MAST4: variants seen among roughly 807,000 people sequenced by gnomAD.
MAST4 encodes the protein microtubule associated serine/threonine kinase family member 4, also known as microtubule-associated serine/threonine-protein kinase 4.
Under a neutral mutation model 162.7 loss-of-function variants are expected in MAST4, and 89 were observed. The observed-to-expected ratio is 0.55, with a 90% confidence interval of 0.46 to 0.65. MAST4 has a LOEUF of 0.65. MAST4 is among the 30% of genes least tolerant of loss of function. The pLI is 0.00. For missense variants in MAST4, 3,153 were observed against 3,374.0 expected, an observed-to-expected ratio of 0.93 and a Z score of 1.62; for synonymous variants, 1,479 against 1,361.1, an observed-to-expected ratio of 1.09 and a Z score of -1.91.
chr5:66,752,818 C>T (rs577112084), intron 1 of MAST4, among the ~76,000 whole-genome samples: 20 of 151,956 alleles, frequency 1.3e-4, no homozygotes, highest in African/African-American at 4.6e-4. Flanking sequence ...ACAGAACTCT[C>T]CACCCCAAAT....
chr5:67,163,655 C>G lies in MAST4; in HGVS notation c.4476C>G (p.Asn1492Lys), dbSNP rs115836461. The change falls in exon 29 of 29, where the codon AAC becomes AAG. Residue 1492 changes from asparagine (N) to lysine (K), a missense_variant. Physicochemically the swap from Asn to Lys is moderately conservative, Grantham distance 94. This residue lies in a region of MAST4 where 1,644 missense variants were observed against 1,495.0 expected (regional missense o/e 1.10). Transcript: ENST00000403625. The surrounding 1 kb of genome is among the most constrained non-coding windows in gnomAD (Gnocchi z 7.0). ...CGCCGCTGCAGAGCCTGGATGAGAA[C>G]GTGTGCGACGTGCCGCCGCTCAGCC... ...REAPLQSLDE[N>K]VCDVPPLSRA... is the part of the protein sequence containing the mutation. 16 of 1,607,788 alleles carry G rather than the reference C, an allele frequency of 1.0e-5. No homozygotes were observed. The South Asian group carries it at 1.6e-4, about 16-fold the overall frequency.
chr5:67,138,789 TGTG>T (rs1444506277), intron 19 of MAST4, among the ~76,000 whole-genome samples: 4 of 152,198 alleles, frequency 2.6e-5, no homozygotes, highest in Non-Finnish European at 5.9e-5. Flanking sequence ...ATTTTCCACT[TGTG>T]GTGTCATATC....
At chr5:66,856,748 A>C (rs1945206443) in intron 3 of MAST4, among the ~76,000 whole-genome samples, 2 of 152,216 alleles carry the variant, frequency 1.3e-5, no homozygotes, top group South Asian at 4.1e-4. Flanking sequence ...TTACTGTAGG[A>C]AGATCTTTGG....
At chr5:66,873,381 A>G (rs1409977192) in intron 3 of MAST4, among the ~76,000 whole-genome samples, 1 of 152,166 alleles carries the variant, frequency 6.6e-6, no homozygotes, top group Non-Finnish European at 1.5e-5. Context: ...ATTCTGCACT[A>G]TGTCATTTTC....
intron 3 of MAST4, among the ~76,000 whole-genome samples, chr5:66,791,506 A>G (rs955838855): frequency 8.5e-5 from 13 of 152,260 alleles, no homozygotes; most frequent in African/African-American, 2.4e-4. Flanking sequence ...TGACATTGTT[A>G]TCAAGGAATC....
At chr5:66,837,770 A>C (rs943407056) in intron 3 of MAST4, among the ~76,000 whole-genome samples, 5 of 149,684 alleles carry the variant, frequency 3.3e-5, no homozygotes, top group African/African-American at 1.2e-4. Flanking sequence ...CAAACCTACA[A>C]CTTCTCAATA....
chr5:67,149,916 T>C (rs908277293), intron 24 of MAST4, among the ~76,000 whole-genome samples: 1 of 152,242 alleles, frequency 6.6e-6, no homozygotes, highest in African/African-American at 2.4e-5. Context: ...TTTTCCTTCC[T>C]TGAATAATTT....
chr5:66,872,387 C>A (rs1761001667), intron 3 of MAST4, among the ~76,000 whole-genome samples: 1 of 152,154 alleles, frequency 6.6e-6, no homozygotes, highest in African/African-American at 2.4e-5. Context: ...CCAGGCTGGT[C>A]TCAAACTCCT....
intron 3 of MAST4, among the ~76,000 whole-genome samples, chr5:66,876,693 T>C (rs968473000): frequency 1.3e-5 from 2 of 152,208 alleles, no homozygotes; most frequent in Non-Finnish European, 2.9e-5. Flanking sequence ...AGACATAGTC[T>C]GCCCTATGAC....
Position 67,167,131 on chromosome 5 carries a change from C to A in MAST4, c.*80C>A. 7.7e-7 allele frequency: 1 copy of A among 1,304,508 alleles called. No individual in the cohort carries two copies. Among genetic ancestry groups the A allele is most frequent in the Non-Finnish European group, 1.0e-6 (1 of 971,406 alleles). 80.8% of individuals were successfully genotyped at this position (1,304,508 alleles called of 1,614,324 possible). On this transcript the variant is annotated 3_prime_UTR_variant, in exon 29 of 29. Coordinates refer to ENST00000403625, the MANE Select transcript of MAST4 (RefSeq NM_001164664.2). ...TCTTGACTACCTTTCAAAACCAGCACTGTGTGGGAATGTCCGCCAGGCAGA... is the reference window on the plus strand; with the variant it reads ...TCTTGACTACCTTTCAAAACCAGCAATGTGTGGGAATGTCCGCCAGGCAGA...
chr5:66,706,756 G>A (rs1250372892), intron 1 of MAST4, among the ~76,000 whole-genome samples: 1 of 152,040 alleles, frequency 6.6e-6, no homozygotes, highest in Non-Finnish European at 1.5e-5. Context: ...TAGCTCCCTG[G>A]TGTTGATCCA....
chr5:66,717,915 G>C (rs557681333), intron 1 of MAST4, among the ~76,000 whole-genome samples: 2 of 152,304 alleles, frequency 1.3e-5, no homozygotes, highest in South Asian at 2.1e-4. Context: ...GAAGGAGGCC[G>C]TGGGACCGCT....
intron 4 of MAST4, among the ~76,000 whole-genome samples, chr5:67,033,311 T>A (rs1029325574): frequency 1.5e-4 from 13 of 87,782 alleles, no homozygotes; most frequent in African/African-American, 8.2e-4. Flanking sequence ...GGGTTTTCAT[T>A]TCTCTGTGTG....
chr5:66,922,179 T>C (rs1463973680), intron 4 of MAST4, among the ~76,000 whole-genome samples: 1 of 152,202 alleles, frequency 6.6e-6, no homozygotes, highest in Non-Finnish European at 1.5e-5. Flanking sequence ...GGATCCACTC[T>C]GTTTCTGGGC....
chr5:67,085,002 C>T (rs1324208477), intron 5 of MAST4, among the ~76,000 whole-genome samples: 3 of 152,230 alleles, frequency 2.0e-5, no homozygotes, highest in Non-Finnish European at 2.9e-5. Flanking sequence ...ATTGCATAAT[C>T]GTGGACTATG....
At position 67,145,106 on chromosome 5, in the gene MAST4, A is replaced by G. The variant is rs202008612; in HGVS notation, c.2859-38A>G. On this transcript the variant is annotated intron_variant, in intron 22 of 28. Transcript: ENST00000403625. The stretch of plus-strand genomic sequence containing the variant: ...AAATTCACCTTTAACACAGTTTTCT[A>G]GTATGTATATATGACTTTGTTTTTG... 893 of 1,490,294 alleles carry G rather than the reference A, an allele frequency of 6.0e-4. 2 individuals carry two copies. Among genetic ancestry groups the G allele is most frequent in the Non-Finnish European group, 6.9e-4 (752 of 1,087,644 alleles). 92.3% of individuals were successfully genotyped at this position (1,490,294 alleles called of 1,614,324 possible).
At chr5:66,668,007 T>C (rs559081249) in intron 1 of MAST4, among the ~76,000 whole-genome samples, 73 of 152,320 alleles carry the variant, frequency 4.8e-4, no homozygotes, top group African/African-American at 1.7e-3. Context: ...AAATCTTCCA[T>C]TTGAATTTAA....
At chr5:67,014,998 A>C (rs997909546) in intron 4 of MAST4, among the ~76,000 whole-genome samples, 1 of 152,162 alleles carries the variant, frequency 6.6e-6, no homozygotes, top group Non-Finnish European at 1.5e-5. Flanking sequence ...ATATGATACA[A>C]CTTCTTTATG....
chr5:66,701,415 A>C (rs1463298794), intron 1 of MAST4, among the ~76,000 whole-genome samples: 1 of 152,122 alleles, frequency 6.6e-6, no homozygotes, highest in Non-Finnish European at 1.5e-5. Flanking sequence ...CTCCTCACAG[A>C]GAGGGGTCTG....
Sources: gnomAD v4.1 joint callset for allele counts (sites outside exome capture counted in the v4.1 genomes callset) on GRCh38, gnomAD v4.1.1 for gene constraint, gnomAD v4.1.1 regional missense constraint, Gnocchi (gnomAD v3.1) non-coding constraint, MANE v1.5 for transcripts, NCBI Gene and HGNC (gene_info 2026-07-23, HGNC 2026-07-21) for gene names.